The following FCHSD2 variants were observed in gnomAD, a reference collection of about 807,000 sequenced individuals.
FCHSD2 encodes the protein FCH and double SH3 domains 2.
A neutral mutation model predicts 108.1 loss-of-function variants in FCHSD2; 38 were observed. The ratio of observed to expected loss-of-function variants is 0.35; its 90% confidence interval spans 0.27 to 0.46. The LOEUF is 0.46. Ranked by LOEUF, FCHSD2 falls within the 20% of genes least tolerant of loss-of-function variation. The pLI is 1.00. For synonymous variants in FCHSD2, 279 were observed against 314.7 expected, an observed-to-expected ratio of 0.89 and a Z score of 1.20; for missense variants, 751 against 897.8, an observed-to-expected ratio of 0.84 and a Z score of 2.09.
At chr11:72,941,709 G>A (rs1156281872) in intron 8 of FCHSD2, among the ~76,000 whole-genome samples, 2 of 152,106 alleles carry the variant, frequency 1.3e-5, no homozygotes, top group Non-Finnish European at 2.9e-5. Context: ...TTTGACAAGG[G>A]TGCAAGGATA....
intron 4 of FCHSD2, among the ~76,000 whole-genome samples, chr11:73,006,730 A>G (rs539129341): frequency 6.6e-6 from 1 of 152,294 alleles, no homozygotes; most frequent in South Asian, 2.1e-4. Context: ...ATATATGTTT[A>G]ATTATTCACT....
chr11:72,981,835 G>A (rs2135396551), intron 8 of FCHSD2, among the ~76,000 whole-genome samples: 1 of 152,302 alleles, frequency 6.6e-6, no homozygotes, highest in East Asian at 1.9e-4. Context: ...TAAGAAATTA[G>A]CTGGGTATGG....
At chr11:72,874,602 G>A (rs141441544) in intron 12 of FCHSD2, among the ~76,000 whole-genome samples, 211 of 152,308 alleles carry the variant, frequency 1.4e-3, no homozygotes, top group South Asian at 2.7e-3. Context: ...TGCTGAAGCA[G>A]AAAAGAGAGA....
At chr11:73,135,408 T>C (rs1273506493) in intron 2 of FCHSD2, among the ~76,000 whole-genome samples, 6 of 152,146 alleles carry the variant, frequency 3.9e-5, no homozygotes, top group Non-Finnish European at 8.8e-5. Context: ...TTTTCCATAT[T>C]ATAGACCTCC....
At chr11:72,874,462 T>G (rs924702828) in intron 12 of FCHSD2, among the ~76,000 whole-genome samples, 1 of 152,210 alleles carries the variant, frequency 6.6e-6, no homozygotes, top group Non-Finnish European at 1.5e-5. Context: ...AATGCTGGGA[T>G]TACAGGTGCG....
Position 72,941,003 on chromosome 11 carries a change from G to T in FCHSD2, c.706-19053C>A, listed in dbSNP as rs940067284. On this transcript the variant is annotated intron_variant, in intron 8 of 19. Coordinates refer to ENST00000409418, the MANE Select transcript of FCHSD2 (RefSeq NM_014824.3). Reference sequence around the variant, plus strand: ...ATGTGTGGGCTGACATCTACAGGCCGAAAGAGCCATGGGCTTGGAAAGGAC... The same window carrying T: ...ATGTGTGGGCTGACATCTACAGGCCTAAAGAGCCATGGGCTTGGAAAGGAC... The T allele has an allele frequency of 1.2e-5, 9 of 742,744 alleles. No homozygotes were observed. In the African/African-American group the frequency reaches 1.4e-4, roughly 11 times the overall value. The allele number at this position is 742,744 out of a possible 1,614,324, so 46.0% of individuals were successfully genotyped here. A position where few individuals can be genotyped will look rare whatever the true frequency, so the allele number is the denominator to read the frequency against.
At chr11:72,986,342 T>G (rs897301088) in intron 6 of FCHSD2, among the ~76,000 whole-genome samples, 15 of 152,154 alleles carry the variant, frequency 9.9e-5, no homozygotes, top group Admixed American at 2.6e-4. Flanking sequence ...CCCGAGTAGC[T>G]GGGACTACAG....
intron 4 of FCHSD2, among the ~76,000 whole-genome samples, chr11:73,008,882 C>T (rs1276381588): frequency 6.6e-6 from 1 of 151,820 alleles, no homozygotes; most frequent in Non-Finnish European, 1.5e-5. Flanking sequence ...CTTTTTGTTT[C>T]CCAAGTTGAA....
chr11:72,912,428 G>C (rs1203077008), intron 9 of FCHSD2, among the ~76,000 whole-genome samples: 1 of 152,128 alleles, frequency 6.6e-6, no homozygotes, highest in Non-Finnish European at 1.5e-5. Context: ...TTCACACAGA[G>C]TGATTTGTGT....
chr11:72,972,507 C>T (rs1363920089), intron 8 of FCHSD2, among the ~76,000 whole-genome samples: 4 of 152,194 alleles, frequency 2.6e-5, no homozygotes. Flanking sequence ...AGGAAACAGG[C>T]TCACAAACTT....
intron 2 of FCHSD2, among the ~76,000 whole-genome samples, chr11:73,100,032 C>G (rs565132893): frequency 1.3e-5 from 2 of 152,310 alleles, no homozygotes; most frequent in East Asian, 3.9e-4. Context: ...CCTTCCCTGA[C>G]GCACCCCGGA....
intron 5 of FCHSD2, among the ~76,000 whole-genome samples, chr11:72,990,841 CA>C (rs1857396998): frequency 6.6e-6 from 1 of 152,008 alleles, no homozygotes; most frequent in Non-Finnish European, 1.5e-5. Context: ...TAGCAGAAGG[CA>C]AGAAATAACT....
At chr11:73,128,444 T>A (rs1860910949) in intron 2 of FCHSD2, among the ~76,000 whole-genome samples, 1 of 152,232 alleles carries the variant, frequency 6.6e-6, no homozygotes, top group Admixed American at 6.5e-5. Context: ...ATTTCCAGCC[T>A]CCTCTGCAGC....
chr11:73,098,783 A>G (rs1016197547), intron 2 of FCHSD2, among the ~76,000 whole-genome samples: 1 of 152,242 alleles, frequency 6.6e-6, no homozygotes, highest in Non-Finnish European at 1.5e-5. Context: ...AAAGACCTAA[A>G]TGTAACAGCT....
chr11:72,907,886 C>G (rs1043891000), intron 9 of FCHSD2, among the ~76,000 whole-genome samples: 2 of 152,086 alleles, frequency 1.3e-5, no homozygotes, highest in African/African-American at 4.8e-5. Context: ...AGCCACCATG[C>G]CTGGCTGGTT....
chr11:73,001,867 A>G (rs1857632522), intron 4 of FCHSD2, among the ~76,000 whole-genome samples: 6 of 152,206 alleles, frequency 3.9e-5, no homozygotes, highest in Admixed American at 1.3e-4. Context: ...GTCAAGTCAA[A>G]GAATTATTAA....
At chr11:72,985,290 G>C (rs181092522) in intron 6 of FCHSD2, among the ~76,000 whole-genome samples, 174 bp from the exon 7 acceptor site, 44 of 136,306 alleles carry the variant, frequency 3.2e-4, no homozygotes, top group Non-Finnish European at 4.8e-4. Flanking sequence ...TTTACTACAG[G>C]AAGAATTTAT....
intron 15 of FCHSD2, 21 bp downstream of exon 15, chr11:72,843,428 G>A (rs1051528858): frequency 4.4e-6 from 7 of 1,605,754 alleles, no homozygotes; most frequent in Admixed American, 3.3e-5. Context: ...AAGAAAGGGC[G>A]ATATGAGCAA....
intron 3 of FCHSD2, among the ~76,000 whole-genome samples, chr11:73,030,203 T>C (rs954513831): frequency 4.6e-5 from 7 of 152,194 alleles, no homozygotes; most frequent in Non-Finnish European, 7.3e-5. Context: ...TGTATATGTA[T>C]GCGTGTGTGG....
Sources: allele counts gnomAD v4.1 joint callset (sites outside exome capture counted in the v4.1 genomes callset), GRCh38; gene constraint gnomAD v4.1.1; transcripts MANE v1.5; gene names NCBI Gene and HGNC (gene_info 2026-07-23, HGNC 2026-07-21).